Variants in CHI3L2 observed in about 807,000 individuals in gnomAD.
The protein encoded by CHI3L2 is chitinase-3-like protein 2.
A neutral mutation model predicts 47.3 loss-of-function variants in CHI3L2; 47 were observed. The observed-to-expected ratio is 0.99, with a 90% confidence interval of 0.79 to 1.27. The LOEUF is 1.27. CHI3L2 is among the 50% of genes most tolerant of loss of function. The pLI is 0.00. For missense variants in CHI3L2, 497 were observed against 462.1 expected, an observed-to-expected ratio of 1.08 and a Z score of -0.69; for synonymous variants, 198 against 169.9, an observed-to-expected ratio of 1.17 and a Z score of -1.28.
chr1:111,237,792 G>A (rs2477574), intron 7 of CHI3L2, among the ~76,000 whole-genome samples: 51,614 of 152,114 alleles, frequency 0.34, 10,220 homozygotes, highest in East Asian at 0.55. Flanking sequence ...AATCTGAAAA[G>A]TTAATTCAGG....
intron 3 of CHI3L2, 117 bp from the exon 4 acceptor site, chr1:111,231,121 A>C: frequency 9.8e-7 from 1 of 1,021,196 alleles, no homozygotes; most frequent in African/African-American, 1.6e-5. Context: ...ACTTCACTTT[A>C]GTTCAAACAG....
intron 1 of CHI3L2, chr1:111,229,637 A>C (rs6537684): frequency 0.081 from 37,825 of 465,792 alleles, 2,892 homozygotes; most frequent in Non-Finnish European, 0.098. Flanking sequence ...AGCCGAGATC[A>C]CACCACTGCA....
chr1:111,238,797 G>A lies in CHI3L2; in HGVS notation c.783G>A (p.Lys261=), dbSNP rs1472899411. The change falls in exon 8 of 11, where the codon AAG becomes AAA. Residue 261 remains lysine, a synonymous_variant. Coordinates refer to ENST00000369748, the MANE Select transcript of CHI3L2 (RefSeq NM_004000.3). ...YWIHKGMPSE[K]VVMGIPTYGH... is the part of the protein sequence containing the mutation. ...TACATAAGGGAATGCCATCAGAGAA[G>A]GTGGTCATGGGCATCCCCACATATG... is the stretch of plus-strand genomic sequence containing the variant. 2.5e-6 allele frequency: 4 copies of A among 1,613,872 alleles called. No individual in the cohort carries two copies. Among genetic ancestry groups the A allele is most frequent in the Non-Finnish European group, 2.5e-6 (3 of 1,179,938 alleles).
At chr1:111,229,522 A>T (rs1159219302) in intron 1 of CHI3L2, among the ~76,000 whole-genome samples, 3 of 149,984 alleles carry the variant, frequency 2.0e-5, no homozygotes, top group Non-Finnish European at 4.4e-5. Flanking sequence ...CTCTACTAAA[A>T]ATACAAAAAA....
intron 7 of CHI3L2, 52 bp downstream of exon 7, chr1:111,236,205 G>T: frequency 2.5e-6 from 4 of 1,586,562 alleles, no homozygotes; most frequent in Non-Finnish European, 3.4e-6. Context: ...GTGGGGCTGG[G>T]GAGAGTCCAG....
chr1:111,231,159 C>T (rs1186143703), intron 3 of CHI3L2, 79 bp from the exon 4 acceptor site: 5 of 1,268,916 alleles, frequency 3.9e-6, no homozygotes, highest in East Asian at 2.3e-5. Context: ...ATTTTCTCTA[C>T]ACTTAAGAAC....
intron 9 of CHI3L2, 46 bp from the exon 10 acceptor site, chr1:111,242,181 G>C: frequency 6.2e-7 from 1 of 1,613,118 alleles, no homozygotes. Context: ...TGGGCATTTA[G>C]GGGCCACCCT....
intron 8 of CHI3L2, among the ~76,000 whole-genome samples, 177 bp downstream of exon 8, chr1:111,239,109 C>T (rs1659973361): frequency 6.6e-6 from 1 of 152,112 alleles, no homozygotes; most frequent in Non-Finnish European, 1.5e-5. Context: ...GGAATGCTTC[C>T]TGGAGGAAGT....
At chr1:111,233,125 G>A (rs1034951733) in intron 4 of CHI3L2, among the ~76,000 whole-genome samples, 1 of 152,138 alleles carries the variant, frequency 6.6e-6, no homozygotes, top group Non-Finnish European at 1.5e-5. Context: ...AATGCTATTG[G>A]TGCCCTTGGT....
intron 8 of CHI3L2, chr1:111,239,498 C>T (rs544017891): frequency 6.6e-6 from 1 of 152,378 alleles, no homozygotes; most frequent in Admixed American, 6.5e-5. Context: ...CCCAGACACA[C>T]CCAAAAACCT....
intron 7 of CHI3L2, among the ~76,000 whole-genome samples, chr1:111,236,589 T>C (rs1659894387): frequency 6.6e-6 from 1 of 152,150 alleles, no homozygotes; most frequent in Non-Finnish European, 1.5e-5. Context: ...AACAGAAGCT[T>C]GGCAGATTCC....
intron 1 of CHI3L2, 81 bp downstream of exon 1, chr1:111,227,850 T>C: frequency 7.2e-7 from 1 of 1,380,510 alleles, no homozygotes; most frequent in Non-Finnish European, 1.0e-6. Context: ...GTAATCTTCC[T>C]CCTTTCCTGG....
intron 10 of CHI3L2, chr1:111,242,700 A>G (rs1042393731): frequency 1.1e-5 from 2 of 182,288 alleles, no homozygotes; most frequent in African/African-American, 4.7e-5. Context: ...AATTTTCTAA[A>G]TCACAATAAA....
chr1:111,235,066 T>C lies in CHI3L2; in HGVS notation c.480+9T>C. 6.2e-7 allele frequency: 1 copy of C among 1,613,198 alleles called. No individual in the cohort carries two copies. Among genetic ancestry groups the C allele is most frequent in the Non-Finnish European group, 8.5e-7 (1 of 1,179,844 alleles). ...TCACTGTGCTGATTCATGTAAGTCA[T>C]GAATCAAGTAATTCATGTGAGTCAG... On this transcript the variant is annotated intron_variant, in intron 5 of 10. Transcript: ENST00000369748.
In CHI3L2 at chr1:111,235,679, C is replaced by T. The variant is rs1659859449; in HGVS notation, c.521C>T (p.Thr174Ile). 2.5e-6 allele frequency: 4 copies of T among 1,614,038 alleles called. No homozygotes were observed. Among genetic ancestry groups the T allele is most frequent in the East Asian group, 2.2e-5 (1 of 44,898 alleles). Residue 174 changes from threonine to isoleucine, a missense_variant, in exon 6 of 11, where the codon ACC (threonine) becomes ATC (isoleucine). Thr to Ile is a moderately conservative substitution (Grantham distance 89). Transcript: ENST00000369748. ...TTTCAGAAGGACTTCACAAAATCCA[C>T]CAAGGAAAGGCTTCTCTTGACTGCG... The part of the protein sequence containing the change: ...EAFQKDFTKS[T>I]KERLLLTAGV...
intron 1 of CHI3L2, among the ~76,000 whole-genome samples, chr1:111,229,411 G>T (rs916369477): frequency 6.6e-6 from 1 of 152,066 alleles, no homozygotes; most frequent in Admixed American, 6.6e-5. Context: ...GGCCGGGCGC[G>T]GTGGCTCACG....
intron 8 of CHI3L2, among the ~76,000 whole-genome samples, 199 bp from the exon 9 acceptor site, chr1:111,241,128 G>A (rs1445669111): frequency 6.6e-6 from 1 of 152,116 alleles, no homozygotes; most frequent in East Asian, 1.9e-4. Context: ...TGAGACTTTA[G>A]CACAGACACT....
chr1:111,239,210 C>T (rs1659976358), intron 8 of CHI3L2: 2 of 326,764 alleles, frequency 6.1e-6, no homozygotes, highest in Non-Finnish European at 1.1e-5. Context: ...GGAAGACTAC[C>T]CCAAGTTCTT....
chr1:111,231,217 C>T (rs777632511), intron 3 of CHI3L2, 21 bp from the exon 4 acceptor site: 19 of 1,585,382 alleles, frequency 1.2e-5, no homozygotes, highest in Non-Finnish European at 1.6e-5. Context: ...AATAAATAAT[C>T]ATCTTATTCT....
Sources: gnomAD v4.1 joint callset for allele counts (sites outside exome capture counted in the v4.1 genomes callset) on GRCh38, gnomAD v4.1.1 for gene constraint, MANE v1.5 for transcripts, NCBI Gene and HGNC (gene_info 2026-07-23, HGNC 2026-07-21) for gene names.